Variants in GABRB3 observed in about 807,000 individuals in gnomAD.
GABRB3 encodes gamma-aminobutyric acid receptor subunit beta-3.
Under a neutral mutation model 52.1 loss-of-function variants are expected in GABRB3, and 14 were observed. The ratio of observed to expected loss-of-function variants is 0.27; its 90% CI spans 0.18 to 0.42. The LOEUF (loss-of-function observed/expected upper bound fraction) is 0.42, where lower values mean the gene tolerates loss of function less well. Among genes scored for constraint, GABRB3 ranks in the 10% least tolerant of loss-of-function variants. The pLI, the probability that GABRB3 is intolerant of heterozygous loss-of-function variation, is 1.00. For synonymous variants in GABRB3, 260 were observed against 232.3 expected (o/e 1.12, Z -1.08); for missense variants, 307 against 609.1 (o/e 0.50, Z 5.22).
intron 3 of GABRB3, among the ~76,000 whole-genome samples, chr15:26,761,951 G>A (rs1890834905): frequency 6.6e-6 from 1 of 152,086 alleles, no homozygotes; most frequent in Non-Finnish European, 1.5e-5. Context: ...TTGTGACTCA[G>A]CCTCCCGAGC....
At chr15:26,601,482 A>C (rs1049907767) in intron 4 of GABRB3, among the ~76,000 whole-genome samples, 6 of 152,178 alleles carry the variant, frequency 3.9e-5, no homozygotes, top group Non-Finnish European at 8.8e-5. Context: ...GGACAACAAA[A>C]AAGGAAGAAA....
intron 3 of GABRB3, among the ~76,000 whole-genome samples, chr15:26,743,376 C>T (rs1381672095): frequency 6.6e-6 from 1 of 152,190 alleles, no homozygotes; most frequent in African/African-American, 2.4e-5. Context: ...CCCAGTTCCA[C>T]GAAGGCTACA....
At chr15:26,751,499 T>C (rs192902993) in intron 3 of GABRB3, among the ~76,000 whole-genome samples, 3 of 152,236 alleles carry the variant, frequency 2.0e-5, no homozygotes, top group Admixed American at 1.3e-4. Context: ...GATCATGAGA[T>C]AAAGAATCTG....
At chr15:26,581,526 T>A (rs1890789097) in intron 5 of GABRB3, among the ~76,000 whole-genome samples, 2 of 152,272 alleles carry the variant, frequency 1.3e-5, no homozygotes, top group African/African-American at 4.8e-5. Flanking sequence ...GCAAAACAAG[T>A]ACAAACTCCT....
chr15:26,687,033 A>G (rs4906687), intron 3 of GABRB3, among the ~76,000 whole-genome samples: 21 of 152,328 alleles, frequency 1.4e-4, no homozygotes, highest in African/African-American at 5.1e-4. Flanking sequence ...AGAGGCGCAC[A>G]GGGATGGCGA....
chr15:26,760,828 A>ACACACACACAC (rs1566832974), intron 3 of GABRB3, among the ~76,000 whole-genome samples: 2 of 29,002 alleles, frequency 6.9e-5, no homozygotes, highest in African/African-American at 1.2e-4. Flanking sequence ...CACACACACA[A>ACACACACACAC]GCAAACAAAC....
chr15:26,646,572 A>G (rs1299423330), intron 3 of GABRB3, among the ~76,000 whole-genome samples: 1 of 152,124 alleles, frequency 6.6e-6, no homozygotes, highest in African/African-American at 2.4e-5. Flanking sequence ...GCTTGGGTAT[A>G]TACCTAGAAG....
chr15:26,715,528 GCAGGA>G (rs1468135566), intron 3 of GABRB3, among the ~76,000 whole-genome samples: 8 of 152,144 alleles, frequency 5.3e-5, no homozygotes, highest in Non-Finnish European at 7.3e-5. Context: ...AAGTGCCGAG[GCAGGA>G]ACGAGAAGGA....
At chr15:26,767,965 T>C (rs569605011) in intron 3 of GABRB3, among the ~76,000 whole-genome samples, 1 of 152,284 alleles carries the variant, frequency 6.6e-6, no homozygotes, top group African/African-American at 2.4e-5. Flanking sequence ...ACAAAGCTGC[T>C]TCTTGAAATG....
At chr15:26,673,274 G>A (rs1010114658) in intron 3 of GABRB3, among the ~76,000 whole-genome samples, 1 of 151,398 alleles carries the variant, frequency 6.6e-6, no homozygotes, top group Non-Finnish European at 1.5e-5. Context: ...TTCTTCCTTA[G>A]AGGGTAGATG....
At chr15:26,732,595 G>A (rs1595557128) in intron 3 of GABRB3, among the ~76,000 whole-genome samples, 2 of 150,456 alleles carry the variant, frequency 1.3e-5, no homozygotes, top group Non-Finnish European at 1.5e-5. Flanking sequence ...TTGAGATGGA[G>A]TCTTGCTCTG....
intron 3 of GABRB3, among the ~76,000 whole-genome samples, chr15:26,747,576 T>C (rs986188873): frequency 2.0e-5 from 3 of 152,234 alleles, no homozygotes; most frequent in African/African-American, 7.2e-5. Context: ...CTGTATCCAG[T>C]AATCTTGTTT....
intron 3 of GABRB3, among the ~76,000 whole-genome samples, chr15:26,676,418 C>T (rs553512520): frequency 2.6e-4 from 39 of 152,186 alleles, no homozygotes; most frequent in Middle Eastern, 3.4e-3. Flanking sequence ...CTCCCAGACA[C>T]GAAACAGAAC....
chr15:26,565,542 A>G (rs1432007), intron 7 of GABRB3, among the ~76,000 whole-genome samples: 80,152 of 152,094 alleles, frequency 0.53, 21,961 homozygotes, highest in African/African-American at 0.68. Context: ...GCAAAGCCAC[A>G]GAGGCACAGT....
At position 26,633,101 on chromosome 15, in the gene GABRB3, T is replaced by C. The variant is rs79992903; in HGVS notation, c.241-11567A>G. Among the ~76,000 whole-genome samples, 46 of 152,284 alleles carry C rather than the reference T, an allele frequency of 3.0e-4. No homozygotes were observed. The East Asian group carries it at 7.9e-3, about 26-fold the overall frequency. On this transcript the variant is annotated intron_variant, in intron 3 of 8. Transcript: ENST00000311550. ...CAATGGTGTAGAATTCCCAAAATTA[T>C]CTGGAGCAGGCTTCACCCTTTGCTC...
intron 8 of GABRB3, among the ~76,000 whole-genome samples, chr15:26,558,155 T>A (rs150935316): frequency 6.1e-4 from 93 of 152,346 alleles, no homozygotes; most frequent in African/African-American, 2.0e-3. Context: ...GTGTTCCTAG[T>A]AGGATGTGGA....
intron 3 of GABRB3, among the ~76,000 whole-genome samples, chr15:26,655,741 CA>C (rs79202855): frequency 0.08 from 6,490 of 81,088 alleles, 129 homozygotes; most frequent in Middle Eastern, 0.21. Context: ...GACTCTGTCT[CA>C]AAAAAAAAAA....
Position 26,592,100 on chromosome 15 carries a change from A to G in GABRB3, c.462-8686T>C, listed in dbSNP as rs188031628. Among the ~76,000 whole-genome samples the G allele has an allele frequency of 4.9e-3, 741 of 152,292 alleles. 2 individuals carry two copies. The highest frequency in any genetic ancestry group is 8.7e-3 in the Non-Finnish European group (594 of 68,022). On this transcript the variant is annotated intron_variant, in intron 4 of 8. Coordinates refer to ENST00000311550, the MANE Select transcript of GABRB3 (RefSeq NM_000814.6). Reference sequence around the variant, plus strand: ...AAATGCATGGAACCCAGAGGCTTGAACGTAAGCTGTCACAGCTGGAGGAAG... The same window carrying G: ...AAATGCATGGAACCCAGAGGCTTGAGCGTAAGCTGTCACAGCTGGAGGAAG...
At chr15:26,667,117 G>T (rs1024229364) in intron 3 of GABRB3, among the ~76,000 whole-genome samples, 2 of 152,156 alleles carry the variant, frequency 1.3e-5, no homozygotes, top group Non-Finnish European at 2.9e-5. Context: ...ACCTCGCTTC[G>T]GTCCCGAACG....
Sources: allele counts gnomAD v4.1 joint callset (sites outside exome capture counted in the v4.1 genomes callset), GRCh38; gene constraint gnomAD v4.1.1; transcripts MANE v1.5; gene names NCBI Gene and HGNC (gene_info 2026-07-23, HGNC 2026-07-21).